STK32C: variants seen among roughly 807,000 people sequenced by gnomAD.
The protein encoded by STK32C is serine/threonine-protein kinase 32C.
STK32C carries 31 observed loss-of-function variants against 56.5 expected under a neutral mutation model. That is an observed-to-expected ratio of 0.55 (90% CI 0.41 to 0.74). The LOEUF is 0.74. STK32C is among the 30% of genes least tolerant of loss of function. The pLI, the probability that STK32C is intolerant of heterozygous loss-of-function variation, is 0.00. For synonymous variants in STK32C, 309 were observed against 289.4 expected (o/e 1.07, Z -0.69); for missense variants, 544 against 676.9 (o/e 0.80, Z 2.18).
intron 8 of STK32C, among the ~76,000 whole-genome samples, chr10:132,223,278 CCAGGAGGTGG>C (rs1342317161): frequency 1.3e-5 from 2 of 152,200 alleles, no homozygotes; most frequent in African/African-American, 4.8e-5. Flanking sequence ...CTGGGATTTG[CCAGGAGGTGG>C]CAGCCGAGGC....
upstream of STK32C, among the ~76,000 whole-genome samples, chr10:132,312,140 C>T (rs980048411): frequency 2.0e-5 from 3 of 152,098 alleles, no homozygotes; most frequent in African/African-American, 7.2e-5. Context: ...CTGAGTAGCT[C>T]GGACCATAGA....
chr10:132,227,938 A>T (rs1288925133), intron 3 of STK32C, 39 bp downstream of exon 3: 1 of 1,606,258 alleles, frequency 6.2e-7, no homozygotes, highest in South Asian at 1.1e-5. Flanking sequence ...CGGCTTCAGG[A>T]CGGTAAGTCT....
chr10:132,234,058 C>T (rs1003532582), intron 2 of STK32C, among the ~76,000 whole-genome samples: 6 of 152,238 alleles, frequency 3.9e-5, no homozygotes, highest in African/African-American at 1.4e-4. Flanking sequence ...TATCTTCAAA[C>T]AGAGCTTGGA....
In STK32C at chr10:132,207,858, C is replaced by A; in HGVS notation, c.*152G>T. On this transcript the variant is annotated 3_prime_UTR_variant, in exon 12 of 12. Coordinates refer to ENST00000298630, the MANE Select transcript of STK32C (RefSeq NM_173575.4). ...CAGCCTCTTGTCCCCTGCACCACCACGAGCCTGAGGTGTGAAATGTGTCCG... is the reference window on the plus strand; with the variant it reads ...CAGCCTCTTGTCCCCTGCACCACCAAGAGCCTGAGGTGTGAAATGTGTCCG... 2 of 947,440 alleles carry A rather than the reference C, an allele frequency of 2.1e-6. No homozygotes were observed. The highest frequency in any genetic ancestry group is 5.7e-5 in the South Asian group (1 of 17,674). The allele number at this position is 947,440 out of a possible 1,614,324, so 58.7% of individuals were successfully genotyped here. A position where few individuals can be genotyped will look rare whatever the true frequency, so the allele number is the denominator to read the frequency against.
chr10:132,288,366 C>T (rs1439852186), intron 1 of STK32C, among the ~76,000 whole-genome samples: 1 of 152,220 alleles, frequency 6.6e-6, no homozygotes, highest in Non-Finnish European at 1.5e-5. Flanking sequence ...ACTTCATCAA[C>T]ATTTAAAACT....
At chr10:132,268,327 G>T (rs61333814) in intron 1 of STK32C, among the ~76,000 whole-genome samples, 1 of 149,940 alleles carries the variant, frequency 6.7e-6, no homozygotes, top group East Asian at 2.0e-4. Context: ...GTGTGTCGGT[G>T]TGTGTGCATG....
chr10:132,245,320 C>A (rs12267905), intron 2 of STK32C, among the ~76,000 whole-genome samples: 22,273 of 152,198 alleles, frequency 0.15, 1,828 homozygotes, highest in East Asian at 0.24. Flanking sequence ...CTAATTCCAA[C>A]CTTTTCCGAG....
chr10:132,307,559 T>A lies in STK32C; in HGVS notation c.262+13A>T, dbSNP rs184435342. On this transcript the variant is annotated intron_variant, in intron 1 of 11. Coordinates refer to ENST00000298630, the MANE Select transcript of STK32C (RefSeq NM_173575.4). The surrounding 1 kb of genome is among the most constrained non-coding windows in gnomAD (Gnocchi z 4.4). ...GCGCGCGGCCCCCACGTCGTCCCCG[T>A]GCCCGCACTCACCGTCCTCCTTGTC... The A allele has an allele frequency of 2.8e-6, 4 of 1,430,040 alleles. No individual in the cohort carries two copies. Among genetic ancestry groups the A allele is most frequent in the Middle Eastern group, 4.6e-4 (2 of 4,330 alleles). 88.6% of individuals were successfully genotyped at this position (1,430,040 alleles called of 1,614,324 possible). A position where few individuals can be genotyped will look rare whatever the true frequency, so the allele number is the denominator to read the frequency against.
At chr10:132,277,232 A>G (rs1474240563) in intron 1 of STK32C, among the ~76,000 whole-genome samples, 1 of 152,106 alleles carries the variant, frequency 6.6e-6, no homozygotes, top group Non-Finnish European at 1.5e-5. Flanking sequence ...AGACGGGCCG[A>G]AGGGAGTCAG....
In STK32C at chr10:132,278,255, C is replaced by T. The variant is rs139915507; in HGVS notation, c.262+29317G>A. ...ACTACAAACCCAGCAAAGACCCACA[C>T]ATGCCATGCCCCGCACATGCCATGC... On this transcript the variant is annotated intron_variant, in intron 1 of 11. Coordinates refer to ENST00000298630, the MANE Select transcript of STK32C (RefSeq NM_173575.4). Among the ~76,000 whole-genome samples the T allele has an allele frequency of 2.0e-3, 310 of 152,216 alleles. 1 individual carries two copies. Among genetic ancestry groups the T allele is most frequent in the African/African-American group, 7.2e-3 (297 of 41,518 alleles).
At chr10:132,273,193 A>G (rs2064883732) in intron 1 of STK32C, among the ~76,000 whole-genome samples, 1 of 152,158 alleles carries the variant, frequency 6.6e-6, no homozygotes, top group Non-Finnish European at 1.5e-5. Context: ...CACTGCTTTG[A>G]ATAGGCTGAC....
chr10:132,250,202 G>A (rs1191055973), intron 1 of STK32C, among the ~76,000 whole-genome samples: 3 of 152,282 alleles, frequency 2.0e-5, no homozygotes, highest in South Asian at 2.1e-4. Flanking sequence ...TGGCAGAGGG[G>A]ACAGCACCCT....
chr10:132,321,556 A>T (rs1324427021), downstream of STK32C, among the ~76,000 whole-genome samples: 3 of 152,156 alleles, frequency 2.0e-5, no homozygotes, highest in African/African-American at 7.2e-5. Context: ...AGGGCCGGGC[A>T]TGGTCGTTCA....
intron 2 of STK32C, among the ~76,000 whole-genome samples, chr10:132,242,491 A>G (rs2063538944): frequency 1.3e-5 from 2 of 152,136 alleles, no homozygotes; most frequent in Admixed American, 6.5e-5. Context: ...AGGAACTGCC[A>G]GCACAGCCCC....
intron 1 of STK32C, among the ~76,000 whole-genome samples, chr10:132,274,221 C>T (rs1194318187): frequency 6.6e-6 from 1 of 152,204 alleles, no homozygotes; most frequent in Non-Finnish European, 1.5e-5. Context: ...GAGAGGCTGG[C>T]TCCTCCTGTC....
rs544369591 is a variant in STK32C, at chr10:132,304,337, C to T, written c.262+3235G>A. On this transcript the variant is annotated intron_variant, in intron 1 of 11. Transcript: ENST00000298630. ...TGAGCCCCACCCCCAACCCACCAAA[C>T]CCCCCCAGTTCACCCACAGTTCACG... Among the ~76,000 whole-genome samples the T allele has an allele frequency of 2.0e-5, 3 of 152,060 alleles. No homozygotes were observed. The South Asian group carries it at 6.2e-4, about 31-fold the overall frequency.
chr10:132,313,792 C>T (rs1174207173), intron 1 of STK32C, among the ~76,000 whole-genome samples: 1 of 151,502 alleles, frequency 6.6e-6, no homozygotes, highest in Non-Finnish European at 1.5e-5. Context: ...TGGCAAGAGA[C>T]GAAGGCTAAG....
intron 2 of STK32C, among the ~76,000 whole-genome samples, chr10:132,240,387 T>G (rs2063459360): frequency 6.6e-6 from 1 of 152,108 alleles, no homozygotes; most frequent in South Asian, 2.1e-4. Flanking sequence ...CGGGTTGCCA[T>G]AGCGACCACA....
chr10:132,323,951 G>C (rs954042), downstream of STK32C: 95,445 of 333,486 alleles, frequency 0.29, 14,872 homozygotes, highest in East Asian at 0.39. This position sits in a 1 kb window ranked among gnomAD's most constrained non-coding sequence, Gnocchi z 4.8. Context: ...ACCTGTGGCA[G>C]TTAATGCTGT....
Sources: gnomAD v4.1 joint callset for allele counts (sites outside exome capture counted in the v4.1 genomes callset) on GRCh38, gnomAD v4.1.1 for gene constraint, Gnocchi (gnomAD v3.1) non-coding constraint, MANE v1.5 for transcripts, NCBI Gene and HGNC (gene_info 2026-07-23, HGNC 2026-07-21) for gene names.